TTC34: variants seen among roughly 807,000 people sequenced by gnomAD.
TTC34 encodes the protein tetratricopeptide repeat domain 34, also known as tetratricopeptide repeat protein 34.
In TTC34, 44 loss-of-function variants were observed where a neutral mutation model predicts 40.7. That is an observed-to-expected ratio of 1.08 (90% CI 0.85 to 1.39). The LOEUF (loss-of-function observed/expected upper bound fraction) is 1.39, where lower values mean the gene tolerates loss of function less well. Among genes scored for constraint, TTC34 ranks in the 40% most tolerant of loss-of-function variants. The pLI, the probability that TTC34 is intolerant of heterozygous loss-of-function variation, is 0.00. For synonymous variants in TTC34, 422 were observed against 398.6 expected (o/e 1.06, Z -0.70); for missense variants, 884 against 838.0 (o/e 1.05, Z -0.68).
intron 6 of TTC34, among the ~76,000 whole-genome samples, chr1:2,683,316 G>T (rs1394676769): frequency 7.5e-5 from 11 of 146,770 alleles, no homozygotes; most frequent in African/African-American, 2.0e-4. Flanking sequence ...CACACCCCCA[G>T]GTGAGCATCT....
intron 6 of TTC34, among the ~76,000 whole-genome samples, chr1:2,682,748 CA>C (rs746899022): frequency 2.0e-4 from 8 of 39,534 alleles, no homozygotes; most frequent in Admixed American, 5.2e-4. Context: ...AGCACCCACA[CA>C]CCCAGGTGAT....
intron 6 of TTC34, among the ~76,000 whole-genome samples, chr1:2,753,344 G>A (rs1195227499): frequency 8.4e-6 from 1 of 119,754 alleles, no homozygotes; most frequent in Non-Finnish European, 1.7e-5. Flanking sequence ...ACCCCCAGAC[G>A]AGCATCTGAC....
chr1:2,789,995 T>A (rs1239227237), exon 3 of TTC34: 2 of 393,200 alleles, frequency 5.1e-6, no homozygotes, highest in Non-Finnish European at 9.0e-6. Context: ...CAGCAGGCAC[T>A]CGGCGAGGCG....
At chr1:2,758,933 T>G (rs1453798802) in intron 6 of TTC34, among the ~76,000 whole-genome samples, 50 of 11,748 alleles carry the variant, frequency 4.3e-3, no homozygotes, top group South Asian at 0.022. Context: ...GTGAGCATCT[T>G]ATATCCTGGA....
At chr1:2,759,640 C>CCAAGGTGAGCATTCGACAGCCTGGAGCAG (rs1641626734) in intron 6 of TTC34, among the ~76,000 whole-genome samples, 1 of 151,922 alleles carries the variant, frequency 6.6e-6, no homozygotes, top group South Asian at 2.1e-4. Flanking sequence ...CACCCACACC[C>CCAAGGTGAGCATTCGACAGCCTGGAGCAG]CCAGGTGAGC....
intron 6 of TTC34, among the ~76,000 whole-genome samples, chr1:2,768,079 C>T (rs1195554983): frequency 6.6e-6 from 1 of 151,502 alleles, no homozygotes; most frequent in African/African-American, 2.4e-5. Context: ...GGAACGGCAA[C>T]CCACATCCCC....
chr1:2,782,353 T>C (rs1433132688), intron 6 of TTC34, among the ~76,000 whole-genome samples: 1 of 152,216 alleles, frequency 6.6e-6, no homozygotes, highest in African/African-American at 2.4e-5. Context: ...AACCTGATTT[T>C]CATTTCTGAT....
chr1:2,691,542 C>G (rs1423261915), intron 6 of TTC34, among the ~76,000 whole-genome samples: 2 of 83,946 alleles, frequency 2.4e-5, no homozygotes, highest in African/African-American at 3.7e-5. Flanking sequence ...AGAACCCACA[C>G]CCCCAGGTGA....
Position 2,685,339 on chromosome 1 carries a change from G to A in TTC34, c.2227-39776C>T, listed in dbSNP as rs376763839. On this transcript the variant is annotated intron_variant, in intron 6 of 8. Transcript: ENST00000401095. ...CACACCCACAAGCGAGCATCTGACA[G>A]CCTGGAACGGCACCCACACCCCTAG... Among the ~76,000 whole-genome samples, 48 of 132,346 alleles carry A rather than the reference G, an allele frequency of 3.6e-4. 4 individuals carry two copies. The South Asian group carries it at 4.0e-3, about 11-fold the overall frequency. 86.8% of individuals were successfully genotyped at this position (132,346 alleles called of 152,430 possible).
chr1:2,638,846 G>A (rs972023179), exon 9 of TTC34: 1 of 152,328 alleles, frequency 6.6e-6, no homozygotes, highest in African/African-American at 2.4e-5. Flanking sequence ...GGTGGGCCGC[G>A]GGAACGGGCA....
intron 6 of TTC34, among the ~76,000 whole-genome samples, chr1:2,686,675 CCCT>C (rs1640366225): frequency 1.9e-5 from 1 of 53,948 alleles, no homozygotes; most frequent in Non-Finnish European, 4.2e-5. Flanking sequence ...TGGAACAGCA[CCCT>C]GCACCCCCAG....
chr1:2,749,403 C>A (rs1195644161), intron 6 of TTC34, among the ~76,000 whole-genome samples: 8 of 93,978 alleles, frequency 8.5e-5, no homozygotes, highest in East Asian at 3.4e-4. Context: ...GCACCCTGCA[C>A]CCCCAGGTGC....
Position 2,767,722 on chromosome 1 carries a change from G to C in TTC34, c.2226+15887C>G, listed in dbSNP as rs556287012. Among the ~76,000 whole-genome samples the C allele has an allele frequency of 1.9e-3, 246 of 130,028 alleles. 4 individuals carry two copies. The highest frequency in any genetic ancestry group is 3.0e-3 in the Non-Finnish European group (184 of 62,144). 85.3% of individuals were successfully genotyped at this position (130,028 alleles called of 152,430 possible). ...ATCTGACTACCTGGAACAGAACCCC[G>C]CTCTTCCAGGTGAGAATATGACAGA... On this transcript the variant is annotated intron_variant, in intron 6 of 8. Coordinates refer to ENST00000401095, the Ensembl canonical transcript of TTC34.
intron 6 of TTC34, among the ~76,000 whole-genome samples, chr1:2,685,040 A>G (rs796174892): frequency 2.4e-4 from 5 of 21,212 alleles, no homozygotes; most frequent in African/African-American, 6.9e-4. Flanking sequence ...ACCCACACCC[A>G]CAGGTGAGCA....
intron 6 of TTC34, among the ~76,000 whole-genome samples, chr1:2,695,000 T>G (rs1412559296): frequency 5.5e-5 from 5 of 90,168 alleles, no homozygotes; most frequent in Admixed American, 1.2e-4. Flanking sequence ...CACCCCCAGG[T>G]GAGGATCTGA....
exon 3 of TTC34, chr1:2,789,535 G>A (rs866257467): frequency 6.7e-7 from 1 of 1,501,500 alleles, no homozygotes; most frequent in Non-Finnish European, 8.9e-7. Context: ...CCGTCTCTGC[G>A]GCCTCCCTCC....
At chr1:2,648,818 A>G (rs1224567669) in intron 6 of TTC34, among the ~76,000 whole-genome samples, 1 of 151,140 alleles carries the variant, frequency 6.6e-6, no homozygotes, top group East Asian at 2.0e-4. Flanking sequence ...AGTGTGGGAC[A>G]GACTGGAGCA....
chr1:2,755,690 G>A (rs1432574697), intron 6 of TTC34, among the ~76,000 whole-genome samples: 52 of 4,394 alleles, frequency 0.012, 5 homozygotes, highest in African/African-American at 0.038. Flanking sequence ...ACATCGTGGA[G>A]CAGCACCCCA....
chr1:2,651,110 C>T (rs1312210534), intron 6 of TTC34, among the ~76,000 whole-genome samples: 2 of 152,060 alleles, frequency 1.3e-5, no homozygotes, highest in Admixed American at 6.5e-5. Flanking sequence ...CACCCCAAAC[C>T]CCCAGGTGAG....
Sources: gnomAD v4.1 joint callset for allele counts (sites outside exome capture counted in the v4.1 genomes callset) on GRCh38, gnomAD v4.1.1 for gene constraint, MANE v1.5 for transcripts, NCBI Gene and HGNC (gene_info 2026-07-23, HGNC 2026-07-21) for gene names.